The following SLC22A4 variants were observed in gnomAD, a reference collection of about 807,000 sequenced individuals.
The protein encoded by SLC22A4 is ET transporter.
SLC22A4 carries 39 observed loss-of-function variants against 56.6 expected under a neutral mutation model. The ratio of observed to expected loss-of-function variants is 0.69; its 90% CI spans 0.53 to 0.90. The LOEUF (loss-of-function observed/expected upper bound fraction) is 0.90. Ranked by LOEUF, SLC22A4 falls within the 40% of genes least tolerant of loss-of-function variation. SLC22A4 has a pLI of 0.00. For missense variants in SLC22A4, 594 were observed against 696.5 expected (o/e 0.85, Z 1.66); for synonymous variants, 241 against 281.4 (o/e 0.86, Z 1.44).
chr5:132,300,734 G>T (rs1377648363), intron 1 of SLC22A4, among the ~76,000 whole-genome samples: 1 of 152,204 alleles, frequency 6.6e-6, no homozygotes. Context: ...TGCAGTCAGG[G>T]CTAGAGGAGT....
chr5:132,343,180 T>C (rs1351780162), intron 9 of SLC22A4, among the ~76,000 whole-genome samples: 2 of 152,200 alleles, frequency 1.3e-5, no homozygotes, highest in Non-Finnish European at 2.9e-5. Context: ...TTTAAAAGAT[T>C]AGTGGTATTT....
At chr5:132,295,187 A>C (rs1277310153) in intron 1 of SLC22A4, 178 bp downstream of exon 1, 1 of 777,876 alleles carries the variant, frequency 1.3e-6, no homozygotes, top group African/African-American at 1.7e-5. Context: ...CGCGAGGCGC[A>C]TTCCTGGGTC....
chr5:132,316,518 C>T (rs1750362153), intron 3 of SLC22A4, among the ~76,000 whole-genome samples: 1 of 152,218 alleles, frequency 6.6e-6, no homozygotes, highest in South Asian at 2.1e-4. Context: ...TCCCCCATAA[C>T]TAGCTGCTTA....
intron 1 of SLC22A4, 107 bp downstream of exon 1, chr5:132,295,116 C>G (rs978111609): frequency 8.1e-6 from 10 of 1,229,548 alleles, no homozygotes; most frequent in Middle Eastern, 1.9e-4. Context: ...TCCCCTCCCC[C>G]TCAAACCTGC....
chr5:132,342,711 C>T (rs190215344), intron 9 of SLC22A4, among the ~76,000 whole-genome samples: 91 of 152,324 alleles, frequency 6.0e-4, no homozygotes, highest in Non-Finnish European at 4.4e-5. Flanking sequence ...AGAACACTGG[C>T]CACTAGCGGT....
At position 132,340,577 on chromosome 5, in the gene SLC22A4, G is replaced by C; in HGVS notation, c.1457G>C (p.Arg486Thr). Residue 486 changes from arginine to threonine, a missense_variant, in exon 9 of 10, where the codon AGA becomes ACA. By Grantham distance (71) the Arg-to-Thr change is moderately conservative. Transcript: ENST00000200652. ...PYFVYLGAYN[R>T]MLPYIVMGSL... ...CCGGGCTTTACAGGTGCTTACAACA[G>C]AATGCTGCCCTACATCGTCATGGGT... is the stretch of plus-strand genomic sequence containing the variant. The C allele has an allele frequency of 6.2e-7, 1 of 1,614,008 alleles. No individual in the cohort carries two copies. The highest frequency in any genetic ancestry group is 8.5e-7 in the Non-Finnish European group (1 of 1,179,930).
chr5:132,324,172 T>G (rs1476430609), intron 4 of SLC22A4, among the ~76,000 whole-genome samples: 1 of 151,768 alleles, frequency 6.6e-6, no homozygotes, highest in Non-Finnish European at 1.5e-5. Flanking sequence ...CCAGCCCAGA[T>G]AGAATGAGAT....
chr5:132,326,821 A>C (rs1240714121), intron 4 of SLC22A4, among the ~76,000 whole-genome samples: 8 of 152,236 alleles, frequency 5.3e-5, no homozygotes, highest in Non-Finnish European at 4.4e-5. Context: ...TCAAGAACAC[A>C]GGTGCCCTGG....
At chr5:132,319,313 A>G (rs1048915010) in intron 3 of SLC22A4, among the ~76,000 whole-genome samples, 11 of 145,508 alleles carry the variant, frequency 7.6e-5, no homozygotes, top group East Asian at 1.9e-4. Context: ...AAAAAAAAAA[A>G]AAAAAGAAAA....
chr5:132,304,598 C>T (rs1372362889), intron 1 of SLC22A4, among the ~76,000 whole-genome samples: 2 of 152,072 alleles, frequency 1.3e-5, no homozygotes, highest in African/African-American at 4.8e-5. Context: ...GCTTGGGCAA[C>T]AGAGTGAGAC....
chr5:132,302,883 G>C (rs1026105941), intron 1 of SLC22A4, among the ~76,000 whole-genome samples: 1 of 152,220 alleles, frequency 6.6e-6, no homozygotes, highest in African/African-American at 2.4e-5. Context: ...GAACTCATCA[G>C]TGAGGCTTTT....
At chr5:132,302,287 A>G (rs1749922343) in intron 1 of SLC22A4, among the ~76,000 whole-genome samples, 1 of 152,056 alleles carries the variant, frequency 6.6e-6, no homozygotes, top group African/African-American at 2.4e-5. Flanking sequence ...ACAGAGTCCA[A>G]GGTGGCATTT....
At chr5:132,295,180 G>C in intron 1 of SLC22A4, 171 bp downstream of exon 1, 1 of 800,502 alleles carries the variant, frequency 1.2e-6, no homozygotes, top group Non-Finnish European at 2.2e-6. Context: ...GGACTCACGC[G>C]AGGCGCATTC....
Position 132,313,633 on chromosome 5 carries a change from C to T in SLC22A4, c.517C>T (p.Leu173Phe). The change falls in exon 3 of 10, where the codon CTC (leucine) becomes TTC (phenylalanine). Residue 173 changes from leucine (L) to phenylalanine (F), a missense_variant. Transcript: ENST00000200652. Reference protein sequence around the residue: ...LSDRFGRKNVLFATMAVQTGF... With the variant: ...LSDRFGRKNVFFATMAVQTGF... Reference sequence around the variant, plus strand: ...CTCTAGGTTTGGCAGGAAGAACGTTCTCTTCGCAACCATGGCTGTACAGAC... The same window carrying T: ...CTCTAGGTTTGGCAGGAAGAACGTTTTCTTCGCAACCATGGCTGTACAGAC... 6.2e-7 allele frequency: 1 copy of T among 1,614,260 alleles called. No individual in the cohort carries two copies.
chr5:132,312,547 A>G (rs1750212601), intron 2 of SLC22A4, among the ~76,000 whole-genome samples: 1 of 151,962 alleles, frequency 6.6e-6, no homozygotes, highest in Admixed American at 6.5e-5. Flanking sequence ...TCCTCATACC[A>G]CAGACTCCTT....
At chr5:132,315,658 T>C (rs1262505126) in intron 3 of SLC22A4, among the ~76,000 whole-genome samples, 1 of 152,136 alleles carries the variant, frequency 6.6e-6, no homozygotes. Context: ...AGTAAGGCCA[T>C]GGAAGATCAG....
intron 8 of SLC22A4, among the ~76,000 whole-genome samples, chr5:132,337,075 C>A (rs1751045068): frequency 6.6e-6 from 1 of 151,634 alleles, no homozygotes; most frequent in African/African-American, 2.4e-5. Flanking sequence ...TATGCTCCTA[C>A]ACCCTTTGTG....
chr5:132,336,039 A>G, intron 8 of SLC22A4, 39 bp downstream of exon 8: 1 of 1,585,308 alleles, frequency 6.3e-7, no homozygotes, highest in Non-Finnish European at 8.7e-7. Context: ...CCTTTAAATT[A>G]GTTTTCAATG....
At chr5:132,302,982 A>G (rs1347716229) in intron 1 of SLC22A4, among the ~76,000 whole-genome samples, 1 of 152,248 alleles carries the variant, frequency 6.6e-6, no homozygotes, top group Non-Finnish European at 1.5e-5. Context: ...TTGTTTGTAA[A>G]TGAAAATATG....
Sources: allele counts gnomAD v4.1 joint callset (sites outside exome capture counted in the v4.1 genomes callset), GRCh38; gene constraint gnomAD v4.1.1; transcripts MANE v1.5; gene names NCBI Gene and HGNC (gene_info 2026-07-23, HGNC 2026-07-21).